Variants in PPARGC1B observed in about 807,000 individuals in gnomAD.
The protein encoded by PPARGC1B is peroxisome proliferator-activated receptor gamma coactivator 1-beta.
PPARGC1B carries 34 observed loss-of-function variants against 101.6 expected under a neutral mutation model. That is an observed-to-expected ratio of 0.33 (90% CI 0.25 to 0.45). The LOEUF (loss-of-function observed/expected upper bound fraction) is 0.45, where lower values mean the gene tolerates loss of function less well. Among genes scored for constraint, PPARGC1B ranks in the 20% least tolerant of loss-of-function variants. The pLI is 1.00. For missense variants in PPARGC1B, 1,234 were observed against 1,317.6 expected, an observed-to-expected ratio of 0.94 and a Z score of 0.98; for synonymous variants, 548 against 539.3, an observed-to-expected ratio of 1.02 and a Z score of -0.22.
At chr5:149,765,912 T>A (rs977378485) in intron 1 of PPARGC1B, among the ~76,000 whole-genome samples, 1 of 151,044 alleles carries the variant, frequency 6.6e-6, no homozygotes, top group Admixed American at 6.6e-5. Context: ...ATCTGTGAGA[T>A]TGTTTTAGGA....
chr5:149,794,850 G>T (rs1437507692), intron 1 of PPARGC1B, among the ~76,000 whole-genome samples: 1 of 152,238 alleles, frequency 6.6e-6, no homozygotes, highest in Non-Finnish European at 1.5e-5. Flanking sequence ...CCTGTAACCA[G>T]ATTGGAATGC....
intron 1 of PPARGC1B, among the ~76,000 whole-genome samples, chr5:149,787,486 A>C (rs1756855916): frequency 6.6e-6 from 1 of 152,258 alleles, no homozygotes. Flanking sequence ...GATTAGTAAC[A>C]AATTACCTAC....
At chr5:149,839,695 A>G (rs1031273475) in intron 8 of PPARGC1B, among the ~76,000 whole-genome samples, 3 of 152,214 alleles carry the variant, frequency 2.0e-5, no homozygotes, top group African/African-American at 7.2e-5. Context: ...GGGTTTAAAA[A>G]AAAATCAGGT....
At chr5:149,823,960 G>T (rs917372108) in intron 2 of PPARGC1B, among the ~76,000 whole-genome samples, 2 of 152,138 alleles carry the variant, frequency 1.3e-5, no homozygotes, top group African/African-American at 4.8e-5. Flanking sequence ...ACCTTGAAAG[G>T]TCTCTTTCCT....
intron 1 of PPARGC1B, among the ~76,000 whole-genome samples, chr5:149,776,898 GCA>G (rs1162636367): frequency 6.6e-6 from 1 of 152,246 alleles, no homozygotes. Flanking sequence ...CCTGCACTCT[GCA>G]CACACATGTG....
intron 1 of PPARGC1B, among the ~76,000 whole-genome samples, chr5:149,779,783 A>C (rs1470732951): frequency 1.3e-5 from 2 of 152,102 alleles, no homozygotes; most frequent in African/African-American, 2.4e-5. Flanking sequence ...GGAGGTGGCA[A>C]GGTTAGGGCA....
In PPARGC1B at chr5:149,840,093, A is replaced by T; in HGVS notation, c.2671A>T (p.Arg891Trp). 6.2e-7 allele frequency: 1 copy of T among 1,613,684 alleles called. No individual in the cohort carries two copies. Among genetic ancestry groups the T allele is most frequent in the Non-Finnish European group, 8.5e-7 (1 of 1,179,776 alleles). The change falls in exon 9 of 12, where the codon AGG (arginine) becomes TGG (tryptophan). Residue 891 changes from arginine to tryptophan, a missense_variant. By Grantham distance (101) the Arg-to-Trp change is moderately radical. Transcript: ENST00000309241. Reference protein sequence around the residue: ...SDRTPSIRHARKRREKAIGEG... With the variant: ...SDRTPSIRHAWKRREKAIGEG... ...CAGAACGCCAAGCATCCGGCACGCC[A>T]GGAAGCGGCGGGAAAAGGCCATTGT...
At chr5:149,856,752 C>T (rs956957672), downstream of PPARGC1B, among the ~76,000 whole-genome samples, 3 of 148,064 alleles carry the variant, frequency 2.0e-5, no homozygotes, top group Non-Finnish European at 3.0e-5. Context: ...TTCTGGGGTT[C>T]TGGTGTCAAG....
intron 1 of PPARGC1B, among the ~76,000 whole-genome samples, chr5:149,736,986 A>G (rs1434710982): frequency 6.6e-6 from 1 of 152,154 alleles, no homozygotes; most frequent in African/African-American, 2.4e-5. Flanking sequence ...GGTTTGGACA[A>G]ATCTGTAATG....
At chr5:149,740,480 C>T (rs1754871968) in intron 1 of PPARGC1B, among the ~76,000 whole-genome samples, 1 of 152,144 alleles carries the variant, frequency 6.6e-6, no homozygotes, top group Non-Finnish European at 1.5e-5. Flanking sequence ...GTTTTTTCCT[C>T]TCTACTTGTG....
intron 6 of PPARGC1B, among the ~76,000 whole-genome samples, chr5:149,834,942 G>C (rs184882142): frequency 5.3e-4 from 81 of 152,340 alleles, no homozygotes; most frequent in Non-Finnish European, 2.1e-4. Flanking sequence ...TTCATAACCT[G>C]TCCTCTTGGG....
chr5:149,832,582 G>A lies in PPARGC1B; in HGVS notation c.583-74G>A. The A allele has an allele frequency of 8.0e-7, 1 of 1,256,780 alleles. No homozygotes were observed. The allele number at this position is 1,256,780 out of a possible 1,614,324, so 77.9% of individuals were successfully genotyped here. The stretch of plus-strand genomic sequence containing the variant: ...CAGGTGAGACACAATGGGCCAGCCA[G>A]TGACCATGCGGATGAGACACATGGG... On this transcript the variant is annotated intron_variant, in intron 4 of 11. Transcript: ENST00000309241. The surrounding 1 kb of genome is among the most constrained non-coding windows in gnomAD (Gnocchi z 4.9).
intron 1 of PPARGC1B, among the ~76,000 whole-genome samples, chr5:149,735,856 C>T (rs900726623): frequency 1.3e-5 from 2 of 152,284 alleles, no homozygotes; most frequent in East Asian, 1.9e-4. Flanking sequence ...CCGGGTGCGG[C>T]GGCTCACGCC....
At chr5:149,737,072 C>G (rs140991065) in intron 1 of PPARGC1B, among the ~76,000 whole-genome samples, 1 of 152,326 alleles carries the variant, frequency 6.6e-6, no homozygotes, top group African/African-American at 2.4e-5. Context: ...TTCATTTCTT[C>G]TGTCCCCCAA....
At chr5:149,817,628 G>A (rs1431147393) in intron 1 of PPARGC1B, 1 of 423,674 alleles carries the variant, frequency 2.4e-6, no homozygotes, top group African/African-American at 2.0e-5. Context: ...AACTCACGGA[G>A]GAAGGAGCTG....
chr5:149,754,402 C>T (rs1402044711), intron 1 of PPARGC1B, among the ~76,000 whole-genome samples: 2 of 152,186 alleles, frequency 1.3e-5, no homozygotes, highest in African/African-American at 2.4e-5. Context: ...TCTGGGTGAG[C>T]TTGACTAAGT....
intron 1 of PPARGC1B, among the ~76,000 whole-genome samples, chr5:149,806,608 C>CT (rs10534197): frequency 4.0e-4 from 59 of 147,180 alleles, no homozygotes; most frequent in Non-Finnish European, 4.8e-4. Flanking sequence ...GTCTCTGGGA[C>CT]TTTTTTTTTT....
At chr5:149,839,410 C>T (rs1195316323) in intron 8 of PPARGC1B, among the ~76,000 whole-genome samples, 1 of 152,176 alleles carries the variant, frequency 6.6e-6, no homozygotes, top group Non-Finnish European at 1.5e-5. Context: ...TGAGTGAGGG[C>T]AGCGTGCAAG....
chr5:149,822,801 G>A (rs1360379984), intron 2 of PPARGC1B, among the ~76,000 whole-genome samples: 1 of 152,146 alleles, frequency 6.6e-6, no homozygotes, highest in Non-Finnish European at 1.5e-5. Context: ...CAATTCATAG[G>A]TGTTGAATGA....
Sources: gnomAD v4.1 joint callset for allele counts (sites outside exome capture counted in the v4.1 genomes callset) on GRCh38, gnomAD v4.1.1 for gene constraint, Gnocchi (gnomAD v3.1) non-coding constraint, MANE v1.5 for transcripts, NCBI Gene and HGNC (gene_info 2026-07-23, HGNC 2026-07-21) for gene names.